RPA1: variants seen among roughly 807,000 people sequenced by gnomAD.
RPA1 encodes replication protein A 70 kDa DNA-binding subunit.
In RPA1, 49 loss-of-function variants were observed where a neutral mutation model predicts 83.0. The observed-to-expected ratio is 0.59, with a 90% CI of 0.47 to 0.75. The LOEUF is 0.75. RPA1 is among the 30% of genes least tolerant of loss of function. RPA1 has a pLI of 0.00. For missense variants in RPA1, 693 were observed against 776.1 expected (o/e 0.89, Z 1.27); for synonymous variants, 279 against 281.8 (o/e 0.99, Z 0.10).
rs537202400 is a variant in RPA1 at position 1,870,637 on chromosome 17, G to A, written c.362-1797G>A. On this transcript the variant is annotated intron_variant, in intron 5 of 16. Coordinates refer to ENST00000254719, the MANE Select transcript of RPA1 (RefSeq NM_002945.5). ...AAACACTACTCCATTCCCCACTCCC[G>A]CCATTCTCTGGTGACCCCTCTTCTA... 5.3e-5 allele frequency among the ~76,000 whole-genome samples: 8 copies of A among 152,186 alleles called. No individual in the cohort carries two copies. In the East Asian group the frequency reaches 1.4e-3, roughly 26 times the overall value.
intron 15 of RPA1, among the ~76,000 whole-genome samples, chr17:1,894,461 C>G (rs951230890): frequency 1.3e-5 from 2 of 152,152 alleles, no homozygotes; most frequent in African/African-American, 4.8e-5. Flanking sequence ...GCCACCGTGC[C>G]CAGCCTTAAA....
chr17:1,858,655 C>T (rs571528936), intron 5 of RPA1, among the ~76,000 whole-genome samples: 2 of 150,182 alleles, frequency 1.3e-5, no homozygotes, highest in Admixed American at 6.6e-5. Flanking sequence ...AGTAGAGACG[C>T]GGTTTTGCCA....
At chr17:1,839,559 C>T (rs906477648) in intron 1 of RPA1, among the ~76,000 whole-genome samples, 2 of 150,896 alleles carry the variant, frequency 1.3e-5, no homozygotes, top group Non-Finnish European at 2.9e-5. Context: ...CTCCCAACCT[C>T]ATGTGATCCA....
intron 1 of RPA1, among the ~76,000 whole-genome samples, chr17:1,832,949 C>G (rs1911677813): frequency 6.6e-6 from 1 of 151,034 alleles, no homozygotes; most frequent in Admixed American, 6.6e-5. Context: ...TGTTTTGAGA[C>G]AGAGTCTTGC....
At chr17:1,830,243 A>C in intron 1 of RPA1, 117 bp downstream of exon 1, 3 of 253,148 alleles carry the variant, frequency 1.2e-5, no homozygotes, top group Non-Finnish European at 1.8e-5. Context: ...AGGGGAGGAG[A>C]TGGCGGGGGG....
chr17:1,834,188 A>G (rs185034591), intron 1 of RPA1, among the ~76,000 whole-genome samples: 1 of 152,148 alleles, frequency 6.6e-6, no homozygotes, highest in Non-Finnish European at 1.5e-5. Context: ...AAAAAAAAAT[A>G]AAGAATGATC....
At chr17:1,890,034 T>C (rs1023810842) in intron 14 of RPA1, among the ~76,000 whole-genome samples, 7 of 151,846 alleles carry the variant, frequency 4.6e-5, no homozygotes, top group South Asian at 2.1e-4. Flanking sequence ...TTTCACATTT[T>C]TCCAAAGGAT....
At position 1,875,672 on chromosome 17, in the gene RPA1, T is replaced by G. The variant is rs1007090785; in HGVS notation, c.466T>G (p.Ser156Ala). 10 of 1,613,416 alleles carry G rather than the reference T, an allele frequency of 6.2e-6. No homozygotes were observed. Among genetic ancestry groups the G allele is most frequent in the Admixed American group, 1.7e-5 (1 of 59,846 alleles). The change falls in exon 7 of 17, where the codon TCT becomes GCT. Residue 156 changes from serine (S) to alanine (A), a missense_variant. By Grantham distance (99) the Ser-to-Ala change is moderately conservative (BLOSUM62 1). Transcript: ENST00000254719. ...GTTTGTTTTTAAAGGTTCTACTGTT[T>G]CTAAGGCTTATGGTGCTTCAAAGAC... ...NGSSGMGSTV[S>A]KAYGASKTFG... is the part of the protein sequence containing the mutation.
chr17:1,892,280 C>G (rs1914232075), intron 15 of RPA1, among the ~76,000 whole-genome samples: 1 of 152,204 alleles, frequency 6.6e-6, no homozygotes, highest in Non-Finnish European at 1.5e-5. Flanking sequence ...GCTGGGATTA[C>G]AGGTGTGAGC....
At chr17:1,892,070 G>A (rs749085654) in intron 15 of RPA1, 130 bp downstream of exon 15, 29 of 496,990 alleles carry the variant, frequency 5.8e-5, no homozygotes, top group Middle Eastern at 1.2e-3. Flanking sequence ...GCAGTGGCGC[G>A]ATCTCAGCTC....
intron 5 of RPA1, 176 bp from the exon 6 acceptor site, chr17:1,872,258 T>C: frequency 1.1e-6 from 1 of 918,478 alleles, no homozygotes; most frequent in Non-Finnish European, 1.6e-6. Flanking sequence ...AAACAAAAAG[T>C]GAACCCCTAG....
intron 5 of RPA1, among the ~76,000 whole-genome samples, chr17:1,859,117 G>A (rs1475642104): frequency 6.6e-6 from 1 of 151,944 alleles, no homozygotes; most frequent in Non-Finnish European, 1.5e-5. Context: ...TAGCCAGGCT[G>A]GTGTCAAACT....
intron 7 of RPA1, 127 bp downstream of exon 7, chr17:1,875,920 C>A: frequency 6.8e-4 from 450 of 659,072 alleles, no homozygotes; most frequent in Non-Finnish European, 8.5e-4. Context: ...AATGGGTTTA[C>A]TCTTTTTTTT....
At chr17:1,845,222 G>A (rs540960348) in intron 4 of RPA1, among the ~76,000 whole-genome samples, 16 of 148,598 alleles carry the variant, frequency 1.1e-4, no homozygotes, top group Non-Finnish European at 2.1e-4. Flanking sequence ...TATATTAAAT[G>A]CTATATTTAG....
In RPA1 at chr17:1,888,737, A is replaced by C. The variant is rs1914090612; in HGVS notation, c.1437A>C (p.Gln479His). 6.2e-7 allele frequency: 1 copy of C among 1,614,254 alleles called. No homozygotes were observed. The highest frequency in any genetic ancestry group is 1.1e-5 in the South Asian group (1 of 91,090). ...VYLRKENCMY[Q>H]ACPTQDCNKK... ...TTCGCAAAGAGAACTGCATGTACCA[A>C]GCCTGCCCGACTCAGGACTGCAATA... Residue 479 changes from glutamine (Q) to histidine (H), a missense_variant, in exon 14 of 17, where the codon CAA (glutamine) becomes CAC (histidine). Coordinates refer to ENST00000254719, the MANE Select transcript of RPA1 (RefSeq NM_002945.5).
chr17:1,850,219 C>T (rs1395443017), intron 4 of RPA1, among the ~76,000 whole-genome samples: 8 of 150,024 alleles, frequency 5.3e-5, no homozygotes, highest in Admixed American at 2.7e-4. Flanking sequence ...TTCATTCTTG[C>T]GATAAATCCT....
intron 4 of RPA1, among the ~76,000 whole-genome samples, chr17:1,845,162 TTGTGTGTGTGTG>T (rs71150822): frequency 1.8e-4 from 26 of 141,608 alleles, no homozygotes; most frequent in African/African-American, 5.4e-4. Context: ...TAATGCTGCT[TTGTGTGTGTGTG>T]TGTGTGTGTG....
intron 6 of RPA1, among the ~76,000 whole-genome samples, chr17:1,874,012 A>AAAAAAAAAAATATATAT (rs1555592994): frequency 1.3e-4 from 12 of 93,858 alleles, no homozygotes; most frequent in African/African-American, 6.2e-4. Flanking sequence ...AAAAAAAAAA[A>AAAAAAAAAAATATATAT]ATATATATAT....
chr17:1,888,742 G>T lies in RPA1; in HGVS notation c.1442G>T (p.Cys481Phe). 1 of 1,614,228 alleles carries T rather than the reference G, an allele frequency of 6.2e-7. No homozygotes were observed. Residue 481 changes from cysteine to phenylalanine, a missense_variant, in exon 14 of 17, where the codon TGC becomes TTC. Cys to Phe is a radical substitution (Grantham distance 205). Coordinates refer to ENST00000254719, the MANE Select transcript of RPA1 (RefSeq NM_002945.5). Reference sequence around the variant, plus strand: ...AAAGAGAACTGCATGTACCAAGCCTGCCCGACTCAGGACTGCAATAAGAAA... The same window carrying T: ...AAAGAGAACTGCATGTACCAAGCCTTCCCGACTCAGGACTGCAATAAGAAA... ...LRKENCMYQACPTQDCNKKVI... is the reference protein window; with the variant it reads ...LRKENCMYQAFPTQDCNKKVI...
Sources: gnomAD v4.1 joint callset for allele counts (sites outside exome capture counted in the v4.1 genomes callset) on GRCh38, gnomAD v4.1.1 for gene constraint, MANE v1.5 for transcripts, NCBI Gene and HGNC (gene_info 2026-07-23, HGNC 2026-07-21) for gene names.